The following ATP2B2 variants were observed in gnomAD, a reference collection of about 807,000 sequenced individuals.
The protein encoded by ATP2B2 is plasma membrane calcium-transporting ATPase 2.
Under a neutral mutation model 120.0 loss-of-function variants are expected in ATP2B2, and 15 were observed. The observed-to-expected ratio is 0.12, with a 90% CI of 0.08 to 0.19. The LOEUF is 0.19. Among genes scored for constraint, ATP2B2 ranks in the 10% least tolerant of loss-of-function variants. The probability of loss-of-function intolerance (pLI) is 1.00; values close to 1 mark genes in which losing one functional copy is unlikely to be tolerated. For synonymous variants in ATP2B2, 694 were observed against 700.3 expected, an observed-to-expected ratio of 0.99 and a Z score of 0.14; for missense variants, 1,045 against 1,719.8, an observed-to-expected ratio of 0.61 and a Z score of 6.94.
chr3:10,336,104 G>A lies in ATP2B2; in HGVS notation c.3420+2072C>T, dbSNP rs756685301. On this transcript the variant is annotated intron_variant, in intron 22 of 22. Coordinates refer to ENST00000360273, the MANE Select transcript of ATP2B2 (RefSeq NM_001001331.4). ...GGAGCTGGCGTGGGCAGTGCCAGCC[G>A]GAGGCAGTAAGGAGTCACACTCACG... 22 of 1,548,586 alleles carry A rather than the reference G, an allele frequency of 1.4e-5. 1 individual carries two copies. In the South Asian group the frequency reaches 1.8e-4, roughly 13 times the overall value.
At chr3:10,426,085 C>A (rs1450988249) in intron 2 of ATP2B2, among the ~76,000 whole-genome samples, 1 of 152,036 alleles carries the variant, frequency 6.6e-6, no homozygotes, top group Non-Finnish European at 1.5e-5. Context: ...GCTTTCCTGC[C>A]TTAGGGCCTT....
intron 1 of ATP2B2, among the ~76,000 whole-genome samples, chr3:10,643,187 A>G (rs548010909): frequency 3.3e-5 from 5 of 152,326 alleles, no homozygotes; most frequent in African/African-American, 1.2e-4. Context: ...AAAATAATTA[A>G]TACGGTAATT....
At chr3:10,461,533 G>A (rs1181178965) in intron 1 of ATP2B2, among the ~76,000 whole-genome samples, 1 of 152,174 alleles carries the variant, frequency 6.6e-6, no homozygotes, top group African/African-American at 2.4e-5. Flanking sequence ...GCGGCTCAAG[G>A]ACCCCAGAAC....
At chr3:10,599,000 C>T (rs1005266883) in intron 2 of ATP2B2, among the ~76,000 whole-genome samples, 12 of 152,260 alleles carry the variant, frequency 7.9e-5, no homozygotes, top group African/African-American at 1.9e-4. Flanking sequence ...GTTACTGCCC[C>T]GGCCCTCTGC....
Position 10,343,971 on chromosome 3 carries a change from G to A in ATP2B2, c.2704-1006C>T, listed in dbSNP as rs546327003. Reference sequence around the variant, plus strand: ...CCTGTAAGCTCAACAGCCCAAACCCGATGCTCTTCCCACCTCTGTTCTCTC... The same window carrying A: ...CCTGTAAGCTCAACAGCCCAAACCCAATGCTCTTCCCACCTCTGTTCTCTC... On this transcript the variant is annotated intron_variant, in intron 18 of 22. Transcript: ENST00000360273. The surrounding 1 kb of genome is among the most constrained non-coding windows in gnomAD (Gnocchi z 4.2). Among the ~76,000 whole-genome samples, 1 of 151,968 alleles carries A rather than the reference G, an allele frequency of 6.6e-6. No individual in the cohort carries two copies. The highest frequency in any genetic ancestry group is 2.1e-4 in the South Asian group (1 of 4,808).
At chr3:10,547,023 T>C (rs1195979974) in intron 2 of ATP2B2, among the ~76,000 whole-genome samples, 2 of 152,182 alleles carry the variant, frequency 1.3e-5, no homozygotes, top group Non-Finnish European at 2.9e-5. Flanking sequence ...AAATGTTGAC[T>C]TGCTGCAGAG....
At chr3:10,642,276 G>A (rs1420675880) in intron 1 of ATP2B2, among the ~76,000 whole-genome samples, 2 of 152,218 alleles carry the variant, frequency 1.3e-5, no homozygotes, top group Non-Finnish European at 1.5e-5. Flanking sequence ...TTCATGTACA[G>A]CACTTTGAAC....
At chr3:10,668,822 C>T (rs985524732) in intron 1 of ATP2B2, among the ~76,000 whole-genome samples, 5 of 152,216 alleles carry the variant, frequency 3.3e-5, no homozygotes, top group African/African-American at 7.2e-5. Context: ...TCTGCTGTAT[C>T]CCCAGCCCCT....
intron 1 of ATP2B2, among the ~76,000 whole-genome samples, chr3:10,475,974 C>A (rs2065188466): frequency 6.6e-6 from 1 of 152,196 alleles, no homozygotes. Context: ...CCACTCAGAT[C>A]AGCCAGGTGT....
intron 2 of ATP2B2, among the ~76,000 whole-genome samples, chr3:10,608,006 C>A (rs1413071289): frequency 6.6e-6 from 1 of 152,218 alleles, no homozygotes; most frequent in East Asian, 1.9e-4. Flanking sequence ...ATCACCCACC[C>A]AGGCCTCACT....
intron 2 of ATP2B2, among the ~76,000 whole-genome samples, chr3:10,441,367 G>A (rs979237530): frequency 1.3e-5 from 2 of 152,126 alleles, no homozygotes; most frequent in East Asian, 1.9e-4. Context: ...AGCCTCCCAA[G>A]TAGCTGGGAT....
chr3:10,656,355 C>A (rs6796304), intron 1 of ATP2B2, among the ~76,000 whole-genome samples: 1 of 151,834 alleles, frequency 6.6e-6, no homozygotes, highest in Non-Finnish European at 1.5e-5. Flanking sequence ...TGACAGCCAA[C>A]CTGTCTAGCT....
chr3:10,548,253 C>A (rs1368483892), intron 2 of ATP2B2, among the ~76,000 whole-genome samples: 2 of 152,200 alleles, frequency 1.3e-5, no homozygotes, highest in Non-Finnish European at 2.9e-5. Flanking sequence ...AGAAACGAAC[C>A]CACTTAATCG....
chr3:10,440,100 TAAAAAAA>T (rs71055819), intron 2 of ATP2B2, among the ~76,000 whole-genome samples: 6 of 28,170 alleles, frequency 2.1e-4, no homozygotes, highest in East Asian at 3.0e-3. Context: ...AGACTCTATC[TAAAAAAA>T]AAAAAAAAAA....
At chr3:10,576,246 C>T (rs529686039) in intron 2 of ATP2B2, among the ~76,000 whole-genome samples, 17 of 152,312 alleles carry the variant, frequency 1.1e-4, no homozygotes, top group African/African-American at 1.7e-4. Context: ...TGCGCACACT[C>T]GGCAGAACGT....
intron 2 of ATP2B2, among the ~76,000 whole-genome samples, chr3:10,605,580 T>C (rs907120975): frequency 6.6e-6 from 1 of 151,812 alleles, no homozygotes; most frequent in Non-Finnish European, 1.5e-5. Context: ...TTTGTGAGGC[T>C]GGAGCTGGAG....
At chr3:10,628,818 G>T (rs115632582) in intron 1 of ATP2B2, among the ~76,000 whole-genome samples, 2,692 of 152,304 alleles carry the variant, frequency 0.018, 75 homozygotes, top group African/African-American at 0.062. Context: ...GTGCTGAATT[G>T]TCAAGTACTG....
chr3:10,634,883 T>A (rs554768873), intron 1 of ATP2B2, among the ~76,000 whole-genome samples: 106 of 152,290 alleles, frequency 7.0e-4, no homozygotes, highest in Non-Finnish European at 1.4e-3. Flanking sequence ...AACTATGAGC[T>A]TCAGAGAACT....
At chr3:10,665,460 A>G (rs2070904814) in intron 1 of ATP2B2, among the ~76,000 whole-genome samples, 1 of 152,082 alleles carries the variant, frequency 6.6e-6, no homozygotes, top group Admixed American at 6.5e-5. Flanking sequence ...TCTCTCAGCA[A>G]GCACAACTTG....
Sources: allele counts gnomAD v4.1 joint callset (sites outside exome capture counted in the v4.1 genomes callset), GRCh38; gene constraint gnomAD v4.1.1; non-coding constraint Gnocchi (gnomAD v3.1); transcripts MANE v1.5; gene names NCBI Gene and HGNC (gene_info 2026-07-23, HGNC 2026-07-21).